Variants in TNNI3K observed in about 807,000 individuals in gnomAD.
TNNI3K encodes TNNI3 interacting kinase.
Under a neutral mutation model 114.5 loss-of-function variants are expected in TNNI3K, and 140 were observed. The ratio of observed to expected loss-of-function variants is 1.22; its 90% confidence interval spans 1.07 to 1.41. The LOEUF (loss-of-function observed/expected upper bound fraction) is 1.41. Ranked by LOEUF, TNNI3K falls within the 40% of genes most tolerant of loss-of-function variation. The pLI, the probability that TNNI3K is intolerant of heterozygous loss-of-function variation, is 0.00. For missense variants in TNNI3K, 1,125 were observed against 1,007.6 expected (o/e 1.12, Z -1.58); for synonymous variants, 347 against 347.5 (o/e 1.00, Z 0.02).
In TNNI3K at chr1:74,370,292, C is replaced by T. The variant is rs762791294; in HGVS notation, c.1672C>T (p.Leu558Phe). 6.9e-6 allele frequency: 11 copies of T among 1,587,232 alleles called. No individual in the cohort carries two copies. The highest frequency in any genetic ancestry group is 1.7e-4 in the Middle Eastern group (1 of 5,978). ...AAATCTATTTTTAAATTCTAGGATT[C>T]TTGATTTGCAGTCTAAATTAATTAT... The part of the protein sequence containing the change: ...FSLLHEQKRI[L>F]DLQSKLIIAV... The change falls in exon 17 of 25, where the codon CTT (leucine) becomes TTT (phenylalanine). Residue 558 changes from leucine (L) to phenylalanine (F), a missense_variant. Transcript: ENST00000326637.
chr1:74,314,547 G>C (rs1659193850), intron 5 of TNNI3K, among the ~76,000 whole-genome samples: 1 of 152,038 alleles, frequency 6.6e-6, no homozygotes, highest in African/African-American at 2.4e-5. Flanking sequence ...AAAAATGGGG[G>C]TGTGGACAAT....
In TNNI3K at chr1:74,252,104, C is replaced by T. The variant is rs510010; in HGVS notation, c.333+1335C>T. 2.2e-3 allele frequency among the ~76,000 whole-genome samples: 339 copies of T among 152,210 alleles called. 2 individuals carry two copies. Among genetic ancestry groups the T allele is most frequent in the African/African-American group, 7.8e-3 (323 of 41,516 alleles). On this transcript the variant is annotated intron_variant, in intron 4 of 24. Transcript: ENST00000326637. ...TGAAACCATGAATTCTGAACCTCAC[C>T]GTCTGGGAGATTTTTTCTGTATTAG...
intron 11 of TNNI3K, among the ~76,000 whole-genome samples, chr1:74,355,924 C>T (rs529492002): frequency 3.3e-5 from 5 of 152,072 alleles, no homozygotes; most frequent in Admixed American, 1.3e-4. Flanking sequence ...ATATATATAC[C>T]TTTGCACATA....
chr1:74,536,865 A>G (rs74095333), intron 23 of TNNI3K, among the ~76,000 whole-genome samples: 1 of 152,058 alleles, frequency 6.6e-6, no homozygotes, highest in African/African-American at 2.4e-5. Context: ...CTGTATTTTC[A>G]CTGACCACAA....
At chr1:74,531,543 T>C (rs1557631472) in intron 23 of TNNI3K, among the ~76,000 whole-genome samples, 1 of 152,152 alleles carries the variant, frequency 6.6e-6, no homozygotes, top group Non-Finnish European at 1.5e-5. Flanking sequence ...ACAGATCTGT[T>C]TTAAATAGAT....
intron 17 of TNNI3K, chr1:74,373,378 C>T (rs1662713369): frequency 6.6e-6 from 1 of 151,884 alleles, no homozygotes; most frequent in South Asian, 2.1e-4. Context: ...TAGCATGGTA[C>T]CTAGAAAGTC....
rs274600 is a variant in TNNI3K at position 74,456,633 on chromosome 1, G to A, written c.2012-6808G>A. ...TGGATCACTTTCAAATTATAGTCTG[G>A]GCCCAAAGAAGAGAGTCTCTTGTTT... On this transcript the variant is annotated intron_variant, in intron 20 of 24. Coordinates refer to ENST00000326637, the MANE Select transcript of TNNI3K (RefSeq NM_015978.3). Among the ~76,000 whole-genome samples, 1,115 of 152,186 alleles carry A rather than the reference G, an allele frequency of 7.3e-3. 12 individuals carry two copies. The highest frequency in any genetic ancestry group is 0.025 in the African/African-American group (1,048 of 41,538).
chr1:74,258,479 G>A (rs1249325510), intron 4 of TNNI3K, among the ~76,000 whole-genome samples: 1 of 152,148 alleles, frequency 6.6e-6, no homozygotes, highest in East Asian at 1.9e-4. Flanking sequence ...GTTTGCTCAT[G>A]CTCTTCAGTG....
At chr1:74,426,800 A>G (rs1665659889) in intron 17 of TNNI3K, among the ~76,000 whole-genome samples, 1 of 152,096 alleles carries the variant, frequency 6.6e-6, no homozygotes, top group South Asian at 2.1e-4. Flanking sequence ...GTAAGTGAGA[A>G]GAATCCGGTG....
intron 2 of TNNI3K, among the ~76,000 whole-genome samples, chr1:74,244,906 A>G (rs1654461003): frequency 6.6e-6 from 1 of 151,962 alleles, no homozygotes; most frequent in African/African-American, 2.4e-5. Context: ...TCATTCTTTG[A>G]GTCTCTCCAC....
At chr1:74,498,463 A>G (rs1557608316) in intron 23 of TNNI3K, among the ~76,000 whole-genome samples, 1 of 152,180 alleles carries the variant, frequency 6.6e-6, no homozygotes, top group African/African-American at 2.4e-5. Flanking sequence ...AAAAACAGAA[A>G]TTCTCTTCTT....
At position 74,514,387 on chromosome 1, in the gene TNNI3K, T is replaced by C. The variant is rs184560784; in HGVS notation, c.2351+22121T>C. 1.2e-3 allele frequency among the ~76,000 whole-genome samples: 190 copies of C among 152,332 alleles called. 2 individuals carry two copies. Among genetic ancestry groups the C allele is most frequent in the Non-Finnish European group, 6.5e-4 (44 of 68,024 alleles). On this transcript the variant is annotated intron_variant, in intron 23 of 24. Transcript: ENST00000326637. The stretch of plus-strand genomic sequence containing the variant: ...TATACACTTGCACAGAAGTTCCTTA[T>C]CGAGAGGAAGCATTTAAGTAAAAAG...
intron 17 of TNNI3K, among the ~76,000 whole-genome samples, chr1:74,385,609 A>C (rs939139168): frequency 1.3e-5 from 2 of 152,140 alleles, no homozygotes; most frequent in Non-Finnish European, 2.9e-5. Context: ...AACATAACTG[A>C]AATGGAAGAA....
In TNNI3K at chr1:74,249,464, A is replaced by G; in HGVS notation, c.155A>G (p.Asp52Gly). 1 of 1,612,774 alleles carries G rather than the reference A, an allele frequency of 6.2e-7. No homozygotes were observed. The highest frequency in any genetic ancestry group is 8.5e-7 in the Non-Finnish European group (1 of 1,179,454). Residue 52 changes from aspartate (D) to glycine (G), a missense_variant, in exon 3 of 25, where the codon GAT (aspartate) becomes GGT (glycine). Coordinates refer to ENST00000326637, the MANE Select transcript of TNNI3K (RefSeq NM_015978.3). ...LTELRNIFGS[D>G]EAFSKVNLNY... ...CTGTAACATGTTTTTTTCAGCTCTG[A>G]TGAAGCCTTCAGTAAAGTCAATTTA...
intron 17 of TNNI3K, among the ~76,000 whole-genome samples, chr1:74,396,003 A>C (rs1359543835): frequency 6.6e-6 from 1 of 152,178 alleles, no homozygotes; most frequent in African/African-American, 2.4e-5. Context: ...CCCCATCCTC[A>C]CAAGAGGAGA....
chr1:74,492,679 AAAAT>A (rs1351335471), intron 23 of TNNI3K, among the ~76,000 whole-genome samples: 2 of 152,200 alleles, frequency 1.3e-5, no homozygotes, highest in Non-Finnish European at 2.9e-5. Context: ...AATATACCCT[AAAAT>A]TGGAAATAGG....
rs1667972231 is a variant in TNNI3K, at chr1:74,472,237, C to A, written c.2121+8687C>A. 4 of 713,676 alleles carry A rather than the reference C, an allele frequency of 5.6e-6. No homozygotes were observed. In the East Asian group the frequency reaches 1.1e-4, roughly 19 times the overall value. 44.2% of individuals were successfully genotyped at this position (713,676 alleles called of 1,614,324 possible). On this transcript the variant is annotated intron_variant, in intron 21 of 24. Coordinates refer to ENST00000326637, the MANE Select transcript of TNNI3K (RefSeq NM_015978.3). ...ATAAATGCAAGAATTTAGCACTTAG[C>A]AGAGTTTTATTACCCCAACCAAACA...
At chr1:74,468,169 A>G (rs1667757156) in intron 21 of TNNI3K, 1 of 152,290 alleles carries the variant, frequency 6.6e-6, no homozygotes, top group Non-Finnish European at 1.5e-5. Flanking sequence ...AAGAGTACTC[A>G]TTAGGCCTCT....
At chr1:74,306,432 T>G (rs59068073) in intron 5 of TNNI3K, among the ~76,000 whole-genome samples, 8,758 of 152,318 alleles carry the variant, frequency 0.057, 823 homozygotes, top group African/African-American at 0.2. Flanking sequence ...AGTTCTATTT[T>G]CAATTTTTGC....
Sources: allele counts gnomAD v4.1 joint callset (sites outside exome capture counted in the v4.1 genomes callset), GRCh38; gene constraint gnomAD v4.1.1; transcripts MANE v1.5; gene names NCBI Gene and HGNC (gene_info 2026-07-23, HGNC 2026-07-21).